PLB1: variants seen among roughly 807,000 people sequenced by gnomAD.
The protein encoded by PLB1 is phospholipase B1, also known as phospholipase B1, membrane-associated.
PLB1 carries 242 observed loss-of-function variants against 227.4 expected under a neutral mutation model. The observed-to-expected ratio is 1.06, with a 90% CI of 0.96 to 1.18. The LOEUF (loss-of-function observed/expected upper bound fraction) is 1.18, where lower values mean the gene tolerates loss of function less well. PLB1 is among the 50% of genes most tolerant of loss of function. The pLI is 0.00. For synonymous variants in PLB1, 757 were observed against 682.2 expected (o/e 1.11, Z -1.71); for missense variants, 1,858 against 1,816.3 (o/e 1.02, Z -0.42).
chr2:28,624,830 C>T (rs1218886941), intron 49 of PLB1, among the ~76,000 whole-genome samples: 6 of 152,168 alleles, frequency 3.9e-5, no homozygotes, highest in African/African-American at 1.2e-4. Flanking sequence ...GATCCCAACC[C>T]GAGTGGCCGA....
intron 20 of PLB1, among the ~76,000 whole-genome samples, chr2:28,567,794 GATCTT>G (rs907129205): frequency 1.3e-5 from 2 of 152,250 alleles, no homozygotes; most frequent in East Asian, 1.9e-4. Flanking sequence ...TGAAGGGTCT[GATCTT>G]ATCTTTTTAA....
intron 55 of PLB1, 131 bp from the exon 56 acceptor site, chr2:28,632,813 A>G: frequency 3.0e-6 from 2 of 672,954 alleles, no homozygotes; most frequent in South Asian, 1.7e-5. Context: ...TTCCATCAGT[A>G]TCTGAGCAAG....
At chr2:28,525,805 G>GGCC in intron 5 of PLB1, 100 bp from the exon 6 acceptor site, 1 of 1,435,312 alleles carries the variant, frequency 7.0e-7, no homozygotes, top group Non-Finnish European at 9.6e-7. Context: ...AGCAAGGCTA[G>GGCC]GCCAAAGACT....
At chr2:28,518,340 ATTG>A (rs1037093589) in intron 2 of PLB1, 123 bp from the exon 3 acceptor site, 15 of 736,172 alleles carry the variant, frequency 2.0e-5, no homozygotes, top group Admixed American at 6.1e-5. Flanking sequence ...ACTATGGGCA[ATTG>A]TTGTTTCTAG....
chr2:28,616,589 C>T (rs1244939103), intron 44 of PLB1, among the ~76,000 whole-genome samples: 1 of 152,202 alleles, frequency 6.6e-6, no homozygotes, highest in Non-Finnish European at 1.5e-5. Flanking sequence ...TGTTAATCTA[C>T]ATGGAATATG....
chr2:28,632,216 G>A, intron 55 of PLB1, 76 bp downstream of exon 55: 1 of 1,209,580 alleles, frequency 8.3e-7, no homozygotes, highest in South Asian at 1.4e-5. Context: ...CCTTCTCTAA[G>A]TGGGCTTTTT....
intron 34 of PLB1, among the ~76,000 whole-genome samples, 171 bp downstream of exon 34, chr2:28,598,219 C>T (rs893554395): frequency 6.6e-6 from 1 of 152,100 alleles, no homozygotes; most frequent in African/African-American, 2.4e-5. Context: ...AAATAAACAC[C>T]AGATTTAGAG....
In PLB1 at chr2:28,563,865, A is replaced by T. The variant is rs115291456; in HGVS notation, c.1206+766A>T. Among the ~76,000 whole-genome samples, 1,007 of 152,280 alleles carry T rather than the reference A, an allele frequency of 6.6e-3. 16 individuals carry two copies. The highest frequency in any genetic ancestry group is 0.023 in the African/African-American group (964 of 41,554). Reference sequence around the variant, plus strand: ...GAACAAGCAGACACCTCTCATGTCTATGGTCTATCACAATGATATCATCCA... The same window carrying T: ...GAACAAGCAGACACCTCTCATGTCTTTGGTCTATCACAATGATATCATCCA... On this transcript the variant is annotated intron_variant, in intron 18 of 57. Coordinates refer to ENST00000327757, the MANE Select transcript of PLB1 (RefSeq NM_153021.5).
chr2:28,606,495 G>C lies in PLB1; in HGVS notation c.3058-1G>C. On this transcript the variant is annotated splice_acceptor_variant, in intron 42 of 57. Transcript: ENST00000327757. LOFTEE classifies it high-confidence loss of function. Reference sequence around the variant, plus strand: ...GTGTCTCTCTTTTCTTCCCTGATCAGCTTGAACCACTTGGAAGCAAAACAG... The same window carrying C: ...GTGTCTCTCTTTTCTTCCCTGATCACCTTGAACCACTTGGAAGCAAAACAG... 1 of 1,614,036 alleles carries C rather than the reference G, an allele frequency of 6.2e-7. No homozygotes were observed. Among genetic ancestry groups the C allele is most frequent in the Non-Finnish European group, 8.5e-7 (1 of 1,179,888 alleles).
chr2:28,568,740 T>C (rs932860761), intron 20 of PLB1, among the ~76,000 whole-genome samples: 2 of 152,164 alleles, frequency 1.3e-5, no homozygotes, highest in Non-Finnish European at 2.9e-5. Flanking sequence ...AAAATAAACA[T>C]AGAGGCTGTT....
At chr2:28,595,483 A>G (rs1019464046) in intron 33 of PLB1, 1 of 152,134 alleles carries the variant, frequency 6.6e-6, no homozygotes, top group Non-Finnish European at 1.5e-5. Flanking sequence ...TCTGAGGGGG[A>G]AACATTACCA....
At position 28,601,983 on chromosome 2, in the gene PLB1, CA is replaced by C. The variant is rs756184258; in HGVS notation, c.2673+21del. 35 of 1,593,336 alleles carry C rather than the reference CA, an allele frequency of 2.2e-5. No individual in the cohort carries two copies. Among genetic ancestry groups the C allele is most frequent in the Non-Finnish European group, 2.9e-5 (34 of 1,161,632 alleles). The stretch of plus-strand genomic sequence containing the variant: ...TAGAGAGGTGGGTGGGGGGCTTCCA[CA>C]AGCTGGTAACAGCTCAAGCATGGTG... On this transcript the variant is annotated intron_variant, in intron 38 of 57. Transcript: ENST00000327757.
rs79305120 is a variant in PLB1, at chr2:28,540,295, G to A, written c.699-71G>A. 3.3e-4 allele frequency: 428 copies of A among 1,286,770 alleles called. 4 individuals carry two copies. The African/African-American group carries it at 4.6e-3, about 14-fold the overall frequency. The allele number at this position is 1,286,770 out of a possible 1,614,324, so 79.7% of individuals were successfully genotyped here. A position where few individuals can be genotyped will look rare whatever the true frequency, so the allele number is the denominator to read the frequency against. On this transcript the variant is annotated intron_variant, in intron 11 of 57. Coordinates refer to ENST00000327757, the MANE Select transcript of PLB1 (RefSeq NM_153021.5). ...CTATGCCCCTTCTTCCATAAGAGGC[G>A]GGCTGGATGCATCCCCTTCCCTGCC...
intron 1 of PLB1, among the ~76,000 whole-genome samples, chr2:28,504,751 A>AAACAAC (rs367993694): frequency 6.6e-6 from 1 of 152,106 alleles, no homozygotes; most frequent in African/African-American, 2.4e-5. Context: ...CAAAAAAACA[A>AAACAAC]AACAACAACA....
At position 28,629,160 on chromosome 2, in the gene PLB1, G is replaced by T. The variant is rs771191733; in HGVS notation, c.3793G>T (p.Gly1265Trp). The change falls in exon 53 of 58, where the codon GGG becomes TGG. Residue 1265 changes from glycine to tryptophan, a missense_variant. Transcript: ENST00000327757. ...ELASLYQGQG[G>W]KCAMLAAQNN... ...GGCTAGCCTGTACCAGGGCCAAGGCGGGAAATGTGCCATGCTGGCAGCTCA... is the reference window on the plus strand; with the variant it reads ...GGCTAGCCTGTACCAGGGCCAAGGCTGGAAATGTGCCATGCTGGCAGCTCA... 1 of 1,613,784 alleles carries T rather than the reference G, an allele frequency of 6.2e-7. No homozygotes were observed. Among genetic ancestry groups the T allele is most frequent in the East Asian group, 2.2e-5 (1 of 44,870 alleles).
intron 56 of PLB1, among the ~76,000 whole-genome samples, chr2:28,636,757 C>T (rs1269845840): frequency 6.6e-6 from 1 of 152,108 alleles, no homozygotes; most frequent in Non-Finnish European, 1.5e-5. Context: ...CAAACTTCAA[C>T]AACATACAAT....
intron 17 of PLB1, among the ~76,000 whole-genome samples, chr2:28,562,241 C>T (rs1433960299): frequency 6.6e-6 from 1 of 151,968 alleles, no homozygotes; most frequent in East Asian, 1.9e-4. Flanking sequence ...ATATGAATTT[C>T]ATCTCAATTA....
intron 42 of PLB1, 131 bp downstream of exon 42, chr2:28,606,079 T>A (rs754851201): frequency 4.2e-5 from 31 of 731,828 alleles, no homozygotes; most frequent in Non-Finnish European, 6.3e-5. Context: ...GTCTATGCAG[T>A]TGGAAATGCG....
At position 28,628,635 on chromosome 2, in the gene PLB1, G is replaced by A; in HGVS notation, c.3726+7G>A. On this transcript the variant is annotated splice_region_variant and intron_variant, in intron 52 of 57. Coordinates refer to ENST00000327757, the MANE Select transcript of PLB1 (RefSeq NM_153021.5). ...GGACATCCTCTCTGAGGAGGTAGGA[G>A]AGGGGTTACGTGTTCCTGGGTCCCG... 6.2e-7 allele frequency: 1 copy of A among 1,614,086 alleles called. No individual in the cohort carries two copies. Among genetic ancestry groups the A allele is most frequent in the Non-Finnish European group, 8.5e-7 (1 of 1,179,932 alleles).
Sources: gnomAD v4.1 joint callset for allele counts (sites outside exome capture counted in the v4.1 genomes callset) on GRCh38, gnomAD v4.1.1 for gene constraint, MANE v1.5 for transcripts, NCBI Gene and HGNC (gene_info 2026-07-23, HGNC 2026-07-21) for gene names.